The following IFRD1 variants were observed in gnomAD, a reference collection of about 807,000 sequenced individuals.
The protein encoded by IFRD1 is interferon related developmental regulator 1.
In IFRD1, 35 loss-of-function variants were observed where a neutral mutation model predicts 52.9. That is an observed-to-expected ratio of 0.66 (90% CI 0.51 to 0.88). The LOEUF (loss-of-function observed/expected upper bound fraction) is 0.88. IFRD1 is among the 40% of genes least tolerant of loss of function. The pLI, the probability that IFRD1 is intolerant of heterozygous loss-of-function variation, is 0.00. For synonymous variants in IFRD1, 184 were observed against 188.4 expected (o/e 0.98, Z 0.19); for missense variants, 517 against 550.8 (o/e 0.94, Z 0.61).
intron 1 of IFRD1, among the ~76,000 whole-genome samples, chr7:112,429,512 A>T (rs3109111): frequency 0.048 from 7,276 of 152,274 alleles, 558 homozygotes; most frequent in African/African-American, 0.17. Flanking sequence ...CTGAAAGAAG[A>T]GTTGTCTTTG....
At chr7:112,463,299 A>G (rs915027451) in intron 8 of IFRD1, among the ~76,000 whole-genome samples, 1 of 152,214 alleles carries the variant, frequency 6.6e-6, no homozygotes, top group Non-Finnish European at 1.5e-5. Context: ...TTTTAATTTA[A>G]GGAGAAAGAA....
chr7:112,441,492 A>G (rs1040581856), intron 1 of IFRD1, among the ~76,000 whole-genome samples: 3 of 152,052 alleles, frequency 2.0e-5, no homozygotes, highest in Non-Finnish European at 2.9e-5. Flanking sequence ...CAGGAATTCA[A>G]TTGAGTCTCT....
At chr7:112,463,519 G>A (rs1416073592) in intron 8 of IFRD1, among the ~76,000 whole-genome samples, 1 of 152,070 alleles carries the variant, frequency 6.6e-6, no homozygotes, top group African/African-American at 2.4e-5. Context: ...ATAGTAGGTA[G>A]GAATGGAAAG....
intron 1 of IFRD1, among the ~76,000 whole-genome samples, chr7:112,438,247 A>T (rs1439289981): frequency 6.6e-6 from 1 of 152,222 alleles, no homozygotes; most frequent in Non-Finnish European, 1.5e-5. Context: ...AAAGGGGCCA[A>T]ATTTTTGGGT....
chr7:112,462,145 T>G lies in IFRD1; in HGVS notation c.763T>G (p.Cys255Gly). ...LLAWTLLLTI[C>G]PINEVKKKLE... The stretch of plus-strand genomic sequence containing the variant: ...TGCATGGACACTACTGCTGACCATA[T>G]GCCCAATCAATGAAGTGAAGAAAAA... Residue 255 changes from cysteine (C) to glycine (G), a missense_variant, in exon 7 of 12, where the codon TGC becomes GGC. Physicochemically the swap from Cys to Gly is radical, Grantham distance 159. Coordinates refer to ENST00000403825, the MANE Select transcript of IFRD1 (RefSeq NM_001550.4). 1 of 1,613,862 alleles carries G rather than the reference T, an allele frequency of 6.2e-7. No individual in the cohort carries two copies. The highest frequency in any genetic ancestry group is 1.1e-5 in the South Asian group (1 of 91,084).
At chr7:112,459,047 T>G (rs375239392) in intron 5 of IFRD1, 29 bp downstream of exon 5, 4 of 1,584,112 alleles carry the variant, frequency 2.5e-6, no homozygotes, top group Non-Finnish European at 3.5e-6. Context: ...CATTTATAGA[T>G]CTGTCTATTC....
rs2253962 is a variant in IFRD1 at position 112,462,300 on chromosome 7, T to G, written c.828T>G (p.Ser276=). 380,637 of 1,611,978 alleles carry G rather than the reference T, an allele frequency of 0.24. 46,144 individuals are homozygous for G. The highest frequency in any genetic ancestry group is 0.36 in the Middle Eastern group (2,151 of 6,056). ...TCCATAAGCTTCCAAGCCTCCTCTCTTGTGATGATGTAAACATGAGAATAG... is the reference window on the plus strand; with the variant it reads ...TCCATAAGCTTCCAAGCCTCCTCTCGTGTGATGATGTAAACATGAGAATAG... ...MHFHKLPSLL[S]CDDVNMRIAA... is the part of the protein sequence containing the mutation. The change falls in exon 8 of 12, where the codon TCT becomes TCG. Residue 276 remains serine (S), a synonymous_variant. Transcript: ENST00000403825.
At chr7:112,473,431 T>A (rs1226161785) in intron 11 of IFRD1, among the ~76,000 whole-genome samples, 4 of 148,422 alleles carry the variant, frequency 2.7e-5, no homozygotes, top group African/African-American at 9.8e-5. Context: ...TAACATTTCT[T>A]TTTTTTTTTT....
At chr7:112,428,443 A>G (rs1217797287) in intron 1 of IFRD1, among the ~76,000 whole-genome samples, 2 of 152,210 alleles carry the variant, frequency 1.3e-5, no homozygotes, top group Non-Finnish European at 2.9e-5. Flanking sequence ...AGAGGCAGTG[A>G]CAGGTAGATC....
Position 112,475,859 on chromosome 7 carries a change from T to G in IFRD1, c.*340T>G. On this transcript the variant is annotated 3_prime_UTR_variant, in exon 12 of 12. Coordinates refer to ENST00000403825, the MANE Select transcript of IFRD1 (RefSeq NM_001550.4). ...AGAATACTGATTTACTATAATGATA[T>G]ATACATGCAAGATATTTAACTTAAT... 1 of 207,910 alleles carries G rather than the reference T, an allele frequency of 4.8e-6. No homozygotes were observed. 12.9% of individuals were successfully genotyped at this position (207,910 alleles called of 1,614,324 possible). A position where few individuals can be genotyped will look rare whatever the true frequency, so the allele number is the denominator to read the frequency against.
intron 8 of IFRD1, among the ~76,000 whole-genome samples, chr7:112,464,268 GA>G (rs932747809): frequency 6.0e-5 from 9 of 151,250 alleles, no homozygotes; most frequent in Non-Finnish European, 1.0e-4. Context: ...GAGAGACTTA[GA>G]AAAAAAACTT....
In IFRD1 at chr7:112,445,062, C is replaced by CTT. The variant is rs3057810; in HGVS notation, c.-181-5425_-181-5424dup. Among the ~76,000 whole-genome samples, 246 of 102,660 alleles carry CTT rather than the reference C, an allele frequency of 2.4e-3. 1 individual carries two copies. Among genetic ancestry groups the CTT allele is most frequent in the South Asian group, 4.1e-3 (13 of 3,162 alleles). The allele number at this position is 102,660 out of a possible 152,430, so 67.3% of individuals were successfully genotyped here. The stretch of plus-strand genomic sequence containing the variant: ...TTGGAATCAGATAGGCCTAGGCTTT[C>CTT]TTTTTTTTTTTTTTTTTTTTTTGAA... On this transcript the variant is annotated intron_variant, in intron 1 of 12. Coordinates refer to the IFRD1 transcript ENST00000005558.
intron 1 of IFRD1, among the ~76,000 whole-genome samples, chr7:112,445,222 A>T (rs899566456): frequency 1.3e-5 from 2 of 151,520 alleles, no homozygotes; most frequent in Admixed American, 6.6e-5. Flanking sequence ...GCCCGCCACC[A>T]CGCCCGGCTA....
chr7:112,445,220 C>T (rs1584479700), intron 1 of IFRD1, among the ~76,000 whole-genome samples: 5 of 152,130 alleles, frequency 3.3e-5, no homozygotes, highest in East Asian at 3.9e-4. Flanking sequence ...GCGCCCGCCA[C>T]CACGCCCGGC....
intron 9 of IFRD1, among the ~76,000 whole-genome samples, chr7:112,469,641 T>A (rs915024732): frequency 3.3e-5 from 5 of 152,160 alleles, no homozygotes; most frequent in Admixed American, 3.3e-4. Context: ...TTTTCTGCCC[T>A]CATGCATCCC....
At position 112,462,011 on chromosome 7, in the gene IFRD1, C is replaced by G. The variant is rs778166237; in HGVS notation, c.629C>G (p.Ser210Ter). ...ATTCTTATGCATTAGGAACTATACT[C>G]AACTCTGGAATGTTTGGAAAATATC... ...IATDDITELY[S>*]TLECLENIFT... The change falls in exon 7 of 12, where the codon TCA becomes TGA. Residue 210 changes from serine to a stop codon, truncating the protein, a stop_gained. Transcript: ENST00000403825. LOFTEE classifies it high-confidence loss of function. The G allele has an allele frequency of 6.2e-7, 1 of 1,611,582 alleles. No individual in the cohort carries two copies. The highest frequency in any genetic ancestry group is 8.5e-7 in the Non-Finnish European group (1 of 1,178,040).
rs1233445060 is a variant in IFRD1 at position 112,467,994 on chromosome 7, A to T, written c.920A>T (p.Glu307Val). 1.2e-6 allele frequency: 2 copies of T among 1,614,026 alleles called. No homozygotes were observed. The stretch of plus-strand genomic sequence containing the variant: ...TTTCTTGTCCAGGACTTTTTTTATG[A>T]AGACATGGAGTCCTTGACGCAGATG... ...ARGIESDFFY[E>V]DMESLTQMLR... Residue 307 changes from glutamate to valine, a missense_variant, in exon 9 of 12, where the codon GAA becomes GTA. By Grantham distance (121) the Glu-to-Val change is moderately radical. Transcript: ENST00000403825.
intron 1 of IFRD1, among the ~76,000 whole-genome samples, chr7:112,443,432 C>G (rs552794505): frequency 6.6e-6 from 1 of 150,724 alleles, no homozygotes; most frequent in South Asian, 2.1e-4. Context: ...AGTAAATTAG[C>G]TGGGATACAT....
chr7:112,458,768 T>C, intron 4 of IFRD1, 93 bp from the exon 5 acceptor site: 1 of 1,181,480 alleles, frequency 8.5e-7, no homozygotes, highest in East Asian at 2.4e-5. Context: ...TGGTAAATGC[T>C]ATTTTGTCAT....
Sources: allele counts gnomAD v4.1 joint callset (sites outside exome capture counted in the v4.1 genomes callset), GRCh38; gene constraint gnomAD v4.1.1; transcripts MANE v1.5; gene names NCBI Gene and HGNC (gene_info 2026-07-23, HGNC 2026-07-21).